LRP11: variants seen among roughly 807,000 people sequenced by gnomAD.
The protein encoded by LRP11 is LDL receptor related protein 11, also known as low-density lipoprotein receptor-related protein 11.
LRP11 carries 25 observed loss-of-function variants against 43.1 expected under a neutral mutation model. That is an observed-to-expected ratio of 0.58 (90% CI 0.42 to 0.81). LRP11 has a LOEUF of 0.81. LRP11 is among the 30% of genes least tolerant of loss of function. The probability of loss-of-function intolerance (pLI) is 0.00; values close to 1 mark genes in which losing one functional copy is unlikely to be tolerated. For synonymous variants in LRP11, 316 were observed against 299.4 expected (o/e 1.06, Z -0.57); for missense variants, 623 against 665.1 (o/e 0.94, Z 0.70).
chr6:149,844,482 T>C (rs1776602370), intron 2 of LRP11, among the ~76,000 whole-genome samples: 1 of 152,210 alleles, frequency 6.6e-6, no homozygotes, highest in Non-Finnish European at 1.5e-5. Flanking sequence ...CTGAGCATGC[T>C]GGAACAACAG....
At chr6:149,859,396 A>ATATATATATATATATATATTT in intron 1 of LRP11, among the ~76,000 whole-genome samples, 8 of 71,492 alleles carry the variant, frequency 1.1e-4, no homozygotes, top group African/African-American at 8.2e-5. Flanking sequence ...ATATATATAT[A>ATATATATATATATATATATTT]TTTTTTTTTT....
At chr6:149,829,648 C>T (rs573850237) in intron 5 of LRP11, among the ~76,000 whole-genome samples, 78 of 151,996 alleles carry the variant, frequency 5.1e-4, no homozygotes, top group African/African-American at 1.7e-3. Flanking sequence ...AATTCACCAA[C>T]TCCCGATTTT....
chr6:149,841,085 T>C lies in LRP11; in HGVS notation c.913+1898A>G, dbSNP rs369751278. Among the ~76,000 whole-genome samples, 8 of 152,234 alleles carry C rather than the reference T, an allele frequency of 5.3e-5. No homozygotes were observed. In the East Asian group the frequency reaches 1.4e-3, roughly 26 times the overall value. ...TAAGCTTAACCCCTGGCTGGACAGG[T>C]TGTCATCAGCCAAACAAATTTTTAA... On this transcript the variant is annotated intron_variant, in intron 3 of 6. Transcript: ENST00000239367.
rs941464878 is a variant in LRP11, at chr6:149,863,655, C to G, written c.366G>C (p.Ala122=). 6.1e-6 allele frequency: 9 copies of G among 1,473,582 alleles called. No individual in the cohort carries two copies. The highest frequency in any genetic ancestry group is 2.4e-4 in the Middle Eastern group (1 of 4,238). The allele number at this position is 1,473,582 out of a possible 1,614,324, so 91.3% of individuals were successfully genotyped here. Residue 122 remains alanine, a synonymous_variant, in exon 1 of 7, where the codon GCG becomes GCC. Transcript: ENST00000239367. ...CGCATTGCCGCCAGCCCCGCACGGCCGCCGGCGCCCGCAGGAAGCTGGCAC... is the reference window on the plus strand; with the variant it reads ...CGCATTGCCGCCAGCCCCGCACGGCGGCCGGCGCCCGCAGGAAGCTGGCAC... ...AAGASFLRAP[A]AVRGWRQCVA...
intron 3 of LRP11, among the ~76,000 whole-genome samples, chr6:149,840,393 A>G (rs1461511690): frequency 6.6e-6 from 1 of 152,162 alleles, no homozygotes; most frequent in Non-Finnish European, 1.5e-5. Flanking sequence ...CCTATACTCA[A>G]GCGGCCACTG....
At position 149,819,480 on chromosome 6, in the gene LRP11, G is replaced by A. The variant is rs1776250714; in HGVS notation, c.*1069C>T. ...GGGGAAAGATGCTAAGCTAGATGCTGGTTTTCTGTAAAGATGAATTTGTGA... is the reference window on the plus strand; with the variant it reads ...GGGGAAAGATGCTAAGCTAGATGCTAGTTTTCTGTAAAGATGAATTTGTGA... On this transcript the variant is annotated 3_prime_UTR_variant, in exon 7 of 7. Transcript: ENST00000239367. 2 of 152,532 alleles carry A rather than the reference G, an allele frequency of 1.3e-5. No homozygotes were observed. The highest frequency in any genetic ancestry group is 2.9e-5 in the Non-Finnish European group (2 of 68,034). 9.4% of individuals were successfully genotyped at this position (152,532 alleles called of 1,614,324 possible).
At chr6:149,840,794 T>G (rs534984243) in intron 3 of LRP11, among the ~76,000 whole-genome samples, 1 of 152,336 alleles carries the variant, frequency 6.6e-6, no homozygotes, top group African/African-American at 2.4e-5. Context: ...GAGCCATCCC[T>G]GCTGGAGACA....
intron 1 of LRP11, among the ~76,000 whole-genome samples, chr6:149,853,440 A>G (rs1402153442): frequency 6.6e-6 from 1 of 152,192 alleles, no homozygotes; most frequent in Non-Finnish European, 1.5e-5. Flanking sequence ...TTTATTTTCT[A>G]GAGTGGATTT....
intron 5 of LRP11, among the ~76,000 whole-genome samples, chr6:149,832,606 T>C (rs553709452): frequency 1.3e-4 from 19 of 144,056 alleles, no homozygotes; most frequent in Non-Finnish European, 2.5e-4. Context: ...GCATGTGTCA[T>C]GAACAACAAT....
Position 149,826,882 on chromosome 6 carries a change from T to A in LRP11, c.1253-523A>T, listed in dbSNP as rs9478147. On this transcript the variant is annotated intron_variant, in intron 5 of 6. Transcript: ENST00000239367. Reference sequence around the variant, plus strand: ...GTCACAGGGCTGGGATGCAAACTGGTTTCTTGGTAGAGACCAGTACTTCTA... The same window carrying A: ...GTCACAGGGCTGGGATGCAAACTGGATTCTTGGTAGAGACCAGTACTTCTA... Among the ~76,000 whole-genome samples the A allele has an allele frequency of 5.7e-3, 863 of 152,230 alleles. 5 individuals carry two copies. Among genetic ancestry groups the A allele is most frequent in the African/African-American group, 0.02 (821 of 41,522 alleles).
At chr6:149,836,023 G>T in intron 5 of LRP11, 62 bp downstream of exon 5, 1 of 1,412,974 alleles carries the variant, frequency 7.1e-7, no homozygotes, top group Non-Finnish European at 1.0e-6. Flanking sequence ...AAACTTAATT[G>T]TGAGCCAAGT....
intron 2 of LRP11, 105 bp downstream of exon 2, chr6:149,852,898 C>T (rs1776742499): frequency 8.9e-6 from 9 of 1,016,264 alleles, no homozygotes; most frequent in Middle Eastern, 2.9e-4. Flanking sequence ...CATTTTATGC[C>T]TTCTGCTAGC....
chr6:149,864,176 C>T lies in LRP11; in HGVS notation c.-156G>A. 3 of 1,136,670 alleles carry T rather than the reference C, an allele frequency of 2.6e-6. No individual in the cohort carries two copies. Among genetic ancestry groups the T allele is most frequent in the East Asian group, 4.6e-5 (1 of 21,840 alleles). 70.4% of individuals were successfully genotyped at this position (1,136,670 alleles called of 1,614,324 possible). A position where few individuals can be genotyped will look rare whatever the true frequency, so the allele number is the denominator to read the frequency against. ...CGGCGCCCCCGAACCCGGCTGCTCC[C>T]CCGAGGTCGCGGGCGCCGGCGGGAA... On this transcript the variant is annotated 5_prime_UTR_variant, in exon 1 of 7. Transcript: ENST00000239367.
At chr6:149,821,131 A>G (rs1015469317) in intron 6 of LRP11, among the ~76,000 whole-genome samples, 2 of 151,966 alleles carry the variant, frequency 1.3e-5, no homozygotes, top group African/African-American at 2.4e-5. Context: ...GGGTTTCAAC[A>G]TCTTGGCCAG....
intron 2 of LRP11, among the ~76,000 whole-genome samples, chr6:149,846,244 C>T (rs996057722): frequency 6.6e-6 from 1 of 152,212 alleles, no homozygotes; most frequent in African/African-American, 2.4e-5. Flanking sequence ...CAGGCTCTGG[C>T]TCTCTTTAAT....
chr6:149,859,392 A>ATTTTTTTTTTTTTTTTT (rs1379449979), intron 1 of LRP11, among the ~76,000 whole-genome samples: 2 of 76,836 alleles, frequency 2.6e-5, no homozygotes, highest in African/African-American at 1.9e-4. Flanking sequence ...ATATATATAT[A>ATTTTTTTTTTTTTTTTT]TATATTTTTT....
chr6:149,842,592 C>T (rs905531510), intron 3 of LRP11: 40 of 1,532,704 alleles, frequency 2.6e-5, no homozygotes, highest in Non-Finnish European at 3.4e-5. Context: ...ACCGCCATTC[C>T]ACTCTCTGCT....
intron 3 of LRP11, among the ~76,000 whole-genome samples, chr6:149,839,061 G>GTTTTTT (rs869148170): frequency 1.5e-5 from 2 of 136,996 alleles, no homozygotes; most frequent in African/African-American, 2.7e-5. Flanking sequence ...GTTTTTTTTT[G>GTTTTTT]TTTTTTTTTT....
intron 1 of LRP11, among the ~76,000 whole-genome samples, chr6:149,855,602 C>A (rs1325977272): frequency 6.6e-6 from 1 of 151,970 alleles, no homozygotes; most frequent in African/African-American, 2.4e-5. Flanking sequence ...CCTTGATCAT[C>A]CAGGAACAAG....
Sources: allele counts gnomAD v4.1 joint callset (sites outside exome capture counted in the v4.1 genomes callset), GRCh38; gene constraint gnomAD v4.1.1; transcripts MANE v1.5; gene names NCBI Gene and HGNC (gene_info 2026-07-23, HGNC 2026-07-21).